The following MAZ variants were observed in gnomAD, a reference collection of about 807,000 sequenced individuals.
The protein encoded by MAZ is myc-associated zinc finger protein.
Under a neutral mutation model 32.7 loss-of-function variants are expected in MAZ, and 4 were observed. That is an observed-to-expected ratio of 0.12 (90% confidence interval 0.06 to 0.28). The LOEUF (loss-of-function observed/expected upper bound fraction) is 0.28, where lower values mean the gene tolerates loss of function less well. Among genes scored for constraint, MAZ ranks in the 10% least tolerant of loss-of-function variants. MAZ has a pLI of 1.00. For missense variants in MAZ, 763 were observed against 667.2 expected, an observed-to-expected ratio of 1.14 and a Z score of -1.58; for synonymous variants, 510 against 297.6, an observed-to-expected ratio of 1.71 and a Z score of -7.35.
rs1899903436 is a variant in MAZ, at chr16:29,810,686, G to A, written c.*455G>A. 1 of 481,118 alleles carries A rather than the reference G, an allele frequency of 2.1e-6. No individual in the cohort carries two copies. The highest frequency in any genetic ancestry group is 4.0e-5 in the East Asian group (1 of 24,736). 29.8% of individuals were successfully genotyped at this position (481,118 alleles called of 1,614,324 possible). ...CCTTTTTTTTTTTTTTCCAGGGGGA[G>A]GGAGGAGAGGAAGGAGGGGGATCAG... On this transcript the variant is annotated 3_prime_UTR_variant, in exon 5 of 5. Transcript: ENST00000322945.
Position 29,808,232 on chromosome 16 carries a change from C to G in MAZ, c.1046C>G (p.Pro349Arg). 6.2e-7 allele frequency: 1 copy of G among 1,613,978 alleles called. No homozygotes were observed. The highest frequency in any genetic ancestry group is 1.3e-5 in the African/African-American group (1 of 74,972). Residue 349 changes from proline (P) to arginine (R), a missense_variant and splice_region_variant, in exon 3 of 5, where the codon CCG (proline) becomes CGG (arginine). Physicochemically the swap from Pro to Arg is moderately radical, Grantham distance 103. Coordinates refer to ENST00000322945, the MANE Select transcript of MAZ (RefSeq NM_002383.4). ...CCCCAACCCCAACGTGTCCCCAGGC[C>G]GGATCACCTCAACAGTCACGTCAGA... is the stretch of plus-strand genomic sequence containing the variant. ...CSHCGKSFSR[P>R]DHLNSHVRQV...
At chr16:29,808,429 AG>A in intron 3 of MAZ, 136 bp downstream of exon 3, 1 of 1,010,054 alleles carries the variant, frequency 9.9e-7, no homozygotes, top group Non-Finnish European at 1.5e-6. Flanking sequence ...CCCTTCTTCA[AG>A]GCCTCATCAT....
intron 2 of MAZ, 120 bp downstream of exon 2, chr16:29,807,948 C>G: frequency 6.8e-7 from 1 of 1,479,946 alleles, no homozygotes; most frequent in Non-Finnish European, 9.0e-7. Flanking sequence ...GGGAGCCACT[C>G]CCAGGGCGGA....
intron 3 of MAZ, 26 bp downstream of exon 3, chr16:29,808,319 T>C: frequency 6.2e-7 from 1 of 1,605,446 alleles, no homozygotes. Context: ...CCTCCTGTCT[T>C]GGTTTTCATG....
intron 2 of MAZ, 199 bp from the exon 3 acceptor site, chr16:29,808,031 C>T (rs549901487): frequency 3.6e-5 from 40 of 1,115,290 alleles, no homozygotes; most frequent in Middle Eastern, 2.6e-4. Flanking sequence ...TTGGGGTTGA[C>T]GGAAGCTTCG....
At chr16:29,807,965 A>G in intron 2 of MAZ, 137 bp downstream of exon 2, 1 of 1,438,670 alleles carries the variant, frequency 7.0e-7, no homozygotes, top group Non-Finnish European at 9.2e-7. Context: ...CGGAGGGAGG[A>G]AGCCTCTCCC....
intron 4 of MAZ, chr16:29,809,783 C>A (rs987108614): frequency 2.3e-5 from 30 of 1,287,016 alleles, no homozygotes; most frequent in African/African-American, 6.0e-5. Context: ...TGGGGCATGG[C>A]TGGGGGGCGG....
intron 4 of MAZ, chr16:29,809,592 C>G: frequency 2.5e-6 from 4 of 1,612,506 alleles, no homozygotes; most frequent in Non-Finnish European, 3.4e-6. Flanking sequence ...ACCACGGGCT[C>G]CAGGCCCCGC....
intron 2 of MAZ, 157 bp downstream of exon 2, chr16:29,807,985 G>T: frequency 7.4e-7 from 1 of 1,352,424 alleles, no homozygotes; most frequent in Non-Finnish European, 9.9e-7. Flanking sequence ...CGGTTACCAG[G>T]GAGCAAGGGG....
chr16:29,810,772 G>A lies in MAZ; in HGVS notation c.*541G>A. The A allele has an allele frequency of 1.1e-5, 4 of 367,324 alleles. No homozygotes were observed. The highest frequency in any genetic ancestry group is 7.1e-5 in the East Asian group (1 of 14,070). 22.8% of individuals were successfully genotyped at this position (367,324 alleles called of 1,614,324 possible). A position where few individuals can be genotyped will look rare whatever the true frequency, so the allele number is the denominator to read the frequency against. On this transcript the variant is annotated 3_prime_UTR_variant, in exon 5 of 5. Transcript: ENST00000322945. ...GAGGGGCAGAAGCAGGGCCGGCAAA[G>A]GTTGTACCTTCATAAGGTGGTATGG...
rs528647449 is a variant in MAZ at position 29,809,753 on chromosome 16, C to T, written c.1280-324C>T. The T allele has an allele frequency of 1.1e-5, 16 of 1,420,494 alleles. No individual in the cohort carries two copies. In the South Asian group the frequency reaches 1.5e-4, roughly 13 times the overall value. 88.0% of individuals were successfully genotyped at this position (1,420,494 alleles called of 1,614,324 possible). ...CAGCCCACCTGCTGAGGGGGACCCC[C>T]GCACCCACCAGGCAAGGCGTGGGGC... is the stretch of plus-strand genomic sequence containing the variant. On this transcript the variant is annotated intron_variant, in intron 4 of 4. Coordinates refer to ENST00000322945, the MANE Select transcript of MAZ (RefSeq NM_002383.4).
chr16:29,810,114 A>AGCG lies in MAZ; in HGVS notation c.1323_1325dup (p.Ala448dup), dbSNP rs374878500. Reference sequence around the variant, plus strand: ...TTTGTCCAATGGCGGCGGCAGCGGCAGCGGCGGCAGCGGCAGCAGCGGCAG... The same window carrying AGCG: ...TTTGTCCAATGGCGGCGGCAGCGGCAGCGGCGGCGGCAGCGGCAGCAGCGGCAG... On this transcript the variant is annotated inframe_insertion, in exon 5 of 5. Transcript: ENST00000322945. 1 of 1,532,752 alleles carries AGCG rather than the reference A, an allele frequency of 6.5e-7. No individual in the cohort carries two copies. The highest frequency in any genetic ancestry group is 8.8e-7 in the Non-Finnish European group (1 of 1,132,380). 94.9% of individuals were successfully genotyped at this position (1,532,752 alleles called of 1,614,324 possible). A position where few individuals can be genotyped will look rare whatever the true frequency, so the allele number is the denominator to read the frequency against.
rs1361074287 is a variant in MAZ, at chr16:29,807,424, G to A, written c.639G>A (p.Thr213=). ...YNLRRHEAIH[T]GAKAGRVPSG... ...TCCGGAGGCACGAAGCCATCCACAC[G>A]GGAGCCAAGGCCGGCCGGGTCCCCT... The change falls in exon 2 of 5, where the codon ACG becomes ACA. Residue 213 remains threonine, a synonymous_variant. Transcript: ENST00000322945. 3.1e-6 allele frequency: 5 copies of A among 1,612,440 alleles called. No homozygotes were observed. The highest frequency in any genetic ancestry group is 1.3e-5 in the African/African-American group (1 of 75,040).
rs558521196 is a variant in MAZ, at chr16:29,807,294, C to T, written c.509C>T (p.Thr170Met). The T allele has an allele frequency of 8.4e-6, 13 of 1,556,412 alleles. No individual in the cohort carries two copies. The highest frequency in any genetic ancestry group is 3.4e-4 in the Middle Eastern group (2 of 5,902). The change falls in exon 2 of 5, where the codon ACG (threonine) becomes ATG (methionine). Residue 170 changes from threonine (T) to methionine (M), a missense_variant. Physicochemically the swap from Thr to Met is moderately conservative, Grantham distance 81 (BLOSUM62 -1). Coordinates refer to ENST00000322945, the MANE Select transcript of MAZ (RefSeq NM_002383.4). Reference sequence around the variant, plus strand: ...ACCGCCGTCGTAGCCCCAACCTCGACGGTCGCCGTGGCCCCGGTCGCGTCT... The same window carrying T: ...ACCGCCGTCGTAGCCCCAACCTCGATGGTCGCCGTGGCCCCGGTCGCGTCT... Reference protein sequence around the residue: ...AATAVVAPTSTVAVAPVASAL... With the variant: ...AATAVVAPTSMVAVAPVASAL...
At chr16:29,809,046 G>T in intron 4 of MAZ, 1 of 539,522 alleles carries the variant, frequency 1.9e-6, no homozygotes, top group South Asian at 2.7e-5. Flanking sequence ...GGGTCACAAG[G>T]CAAGGTTTCC....
chr16:29,808,703 G>C lies in MAZ; in HGVS notation c.1241G>C (p.Ser414Thr). The change falls in exon 4 of 5, where the codon AGC (serine) becomes ACC (threonine). Residue 414 changes from serine to threonine, a missense_variant. By Grantham distance (58) the Ser-to-Thr change is moderately conservative. Coordinates refer to ENST00000322945, the MANE Select transcript of MAZ (RefSeq NM_002383.4). ...AYISDHMKVH[S>T]QGPHHVCELC... ...ATTTCGGACCACATGAAGGTGCACA[G>C]CCAGGGTCCTCACCATGTCTGTGAG... is the stretch of plus-strand genomic sequence containing the variant. The C allele has an allele frequency of 6.2e-7, 1 of 1,614,018 alleles. No homozygotes were observed. The highest frequency in any genetic ancestry group is 8.5e-7 in the Non-Finnish European group (1 of 1,179,998).
Position 29,810,090 on chromosome 16 carries a change from T to C in MAZ, c.1293T>C (p.Val431=). The C allele has an allele frequency of 6.2e-7, 1 of 1,610,302 alleles. No individual in the cohort carries two copies. Among genetic ancestry groups the C allele is most frequent in the Non-Finnish European group, 8.5e-7 (1 of 1,178,110 alleles). ...CELCNKGTGE[V]CPMAAAAAAA... ...TCTCCTGTGCAGGTACTGGTGAGGT[T>C]TGTCCAATGGCGGCGGCAGCGGCAG... The change falls in exon 5 of 5, where the codon GTT becomes GTC. Residue 431 remains valine (V), a synonymous_variant. Transcript: ENST00000322945.
Position 29,809,163 on chromosome 16 carries a change from A to C in MAZ, c.1279+422A>C, listed in dbSNP as rs1445227222. 26 of 489,714 alleles carry C rather than the reference A, an allele frequency of 5.3e-5. No individual in the cohort carries two copies. In the Admixed American group the frequency reaches 1.0e-3, roughly 19 times the overall value. The allele number at this position is 489,714 out of a possible 1,614,324, so 30.3% of individuals were successfully genotyped here. The stretch of plus-strand genomic sequence containing the variant: ...ACGGGTAGCAGAGAAAGCTGCCTTC[A>C]GTCAGACTCACCGGTTAACTGGGTT... On this transcript the variant is annotated intron_variant, in intron 4 of 4. Transcript: ENST00000322945.
Position 29,810,014 on chromosome 16 carries a change from G to A in MAZ, c.1280-63G>A, listed in dbSNP as rs62056368. 33 of 1,558,254 alleles carry A rather than the reference G, an allele frequency of 2.1e-5. No individual in the cohort carries two copies. In the South Asian group the frequency reaches 3.7e-4, roughly 18 times the overall value. On this transcript the variant is annotated intron_variant, in intron 4 of 4. Coordinates refer to ENST00000322945, the MANE Select transcript of MAZ (RefSeq NM_002383.4). ...AGGGGAAGCAGGCTGGGAAGGTGTG[G>A]GGTGAGGGCAAGGCTCTTGCCATTC...
Sources: allele counts gnomAD v4.1 joint callset, GRCh38; gene constraint gnomAD v4.1.1; transcripts MANE v1.5; gene names NCBI Gene and HGNC (gene_info 2026-07-23, HGNC 2026-07-21).